PCDHGA9: variants seen among roughly 807,000 people sequenced by gnomAD.
PCDHGA9 encodes the protein protocadherin gamma subfamily A, 9.
Under a neutral mutation model 62.5 loss-of-function variants are expected in PCDHGA9, and 37 were observed. The ratio of observed to expected loss-of-function variants is 0.59; its 90% CI spans 0.46 to 0.78. The LOEUF (loss-of-function observed/expected upper bound fraction) is 0.78, where lower values mean the gene tolerates loss of function less well. Among genes scored for constraint, PCDHGA9 ranks in the 30% least tolerant of loss-of-function variants. The pLI is 0.00. For missense variants in PCDHGA9, 1,138 were observed against 1,166.2 expected (o/e 0.98, Z 0.35); for synonymous variants, 459 against 484.6 (o/e 0.95, Z 0.69).
rs922668811 is a variant in PCDHGA9 at position 141,432,984 on chromosome 5, G to A, written c.2424+27608G>A. On this transcript the variant is annotated intron_variant, in intron 1 of 3. Transcript: ENST00000573521. This position sits in a 1 kb window ranked among gnomAD's most constrained non-coding sequence, Gnocchi z 6.0. ...GGAGCGCCGGCGTCGCACTTTGTGG[G>A]CGTGGACGGGGTGCAGGCTTTCCTG... 1.9e-6 allele frequency: 3 copies of A among 1,614,214 alleles called. No individual in the cohort carries two copies. Among genetic ancestry groups the A allele is most frequent in the Admixed American group, 1.7e-5 (1 of 60,028 alleles).
At chr5:141,488,439 C>G (rs2099675441) in intron 1 of PCDHGA9, among the ~76,000 whole-genome samples, 1 of 152,206 alleles carries the variant, frequency 6.6e-6, no homozygotes, top group African/African-American at 2.4e-5. Context: ...TCTGACCACC[C>G]TCCTGGGTGA....
intron 3 of PCDHGA9, among the ~76,000 whole-genome samples, chr5:141,509,320 C>A (rs1261653347): frequency 6.6e-6 from 1 of 152,194 alleles, no homozygotes; most frequent in Non-Finnish European, 1.5e-5. Flanking sequence ...GGGAGAGAAG[C>A]TCTACTGCCA....
At chr5:141,450,919 G>A (rs1489017891) in intron 1 of PCDHGA9, among the ~76,000 whole-genome samples, 2 of 151,024 alleles carry the variant, frequency 1.3e-5, no homozygotes, top group African/African-American at 4.9e-5. Context: ...CTGCCTCCCA[G>A]ATTCAAGCAA....
intron 1 of PCDHGA9, chr5:141,418,650 T>A (rs764145825): frequency 5.0e-6 from 8 of 1,613,898 alleles, no homozygotes; most frequent in South Asian, 2.2e-5. Flanking sequence ...ATCCTGAGAG[T>A]GAAGGCCACT....
At chr5:141,469,893 A>G (rs2099214569) in intron 1 of PCDHGA9, among the ~76,000 whole-genome samples, 1 of 152,200 alleles carries the variant, frequency 6.6e-6, no homozygotes, top group South Asian at 2.1e-4. Context: ...CACTTTGGGA[A>G]GCCGAGGCAG....
intron 3 of PCDHGA9, among the ~76,000 whole-genome samples, chr5:141,510,591 A>G (rs1050708244): frequency 6.6e-6 from 1 of 152,176 alleles, no homozygotes; most frequent in Non-Finnish European, 1.5e-5. Flanking sequence ...TACCTGACAT[A>G]CATTTTCTTA....
At chr5:141,471,495 T>A (rs539663010) in intron 1 of PCDHGA9, 1 of 152,318 alleles carries the variant, frequency 6.6e-6, no homozygotes, top group East Asian at 1.9e-4. Flanking sequence ...ATTTAGGGAA[T>A]GCAAGAGAGG....
intron 1 of PCDHGA9, chr5:141,417,913 T>A (rs749352432): frequency 1.2e-6 from 2 of 1,601,944 alleles, no homozygotes; most frequent in African/African-American, 1.3e-5. Flanking sequence ...AGGTACTATT[T>A]CCTTTGCTGC....
At chr5:141,422,690 T>C (rs1384522137) in intron 1 of PCDHGA9, 1 of 1,603,790 alleles carries the variant, frequency 6.2e-7, no homozygotes, top group African/African-American at 1.3e-5. Flanking sequence ...AATGCCCTGG[T>C]CACTTACTCT....
At chr5:141,430,781 C>G in intron 1 of PCDHGA9, 8 of 1,510,922 alleles carry the variant, frequency 5.3e-6, no homozygotes, top group Non-Finnish European at 7.1e-6. Context: ...GCGACTGCAC[C>G]GGGACTACAA....
intron 1 of PCDHGA9, among the ~76,000 whole-genome samples, chr5:141,430,066 G>C (rs550834063): frequency 6.6e-6 from 1 of 151,984 alleles, no homozygotes; most frequent in Non-Finnish European, 1.5e-5. Flanking sequence ...TCATTTTTAG[G>C]TTTCCATAAT....
intron 2 of PCDHGA9, among the ~76,000 whole-genome samples, chr5:141,502,401 G>A (rs191747075): frequency 2.0e-5 from 3 of 151,874 alleles, no homozygotes; most frequent in Admixed American, 1.3e-4. Flanking sequence ...AAATGTCCCC[G>A]AACCTGGATT....
chr5:141,421,905 A>C, intron 1 of PCDHGA9: 1 of 1,613,752 alleles, frequency 6.2e-7, no homozygotes, highest in Non-Finnish European at 8.5e-7. Context: ...GAAAGGGCGC[A>C]GTTCCCATTC....
Position 141,511,015 on chromosome 5 carries a change from C to A in PCDHGA9, c.2641C>A (p.Pro881Thr). Residue 881 changes from proline (P) to threonine (T), a missense_variant, in exon 4 of 4, where the codon CCC becomes ACC. Coordinates refer to ENST00000573521, the MANE Select transcript of PCDHGA9 (RefSeq NM_018921.3). ...GTMGLSARYG[P>T]QFTLQHVPDY... ...CATGGGATTGAGCGCCCGCTACGGA[C>A]CCCAGTTCACCCTGCAGCACGTGCC... 6.2e-7 allele frequency: 1 copy of A among 1,614,224 alleles called. No individual in the cohort carries two copies. The highest frequency in any genetic ancestry group is 8.5e-7 in the Non-Finnish European group (1 of 1,180,038).
intron 1 of PCDHGA9, chr5:141,409,494 C>T (rs755680835): frequency 8.1e-6 from 13 of 1,613,910 alleles, no homozygotes; most frequent in South Asian, 3.3e-5. Context: ...GGCAAGCCGC[C>T]TCTTTCTTCC....
Position 141,485,267 on chromosome 5 carries a change from C to T in PCDHGA9, c.2425-9540C>T, listed in dbSNP as rs767229426. On this transcript the variant is annotated intron_variant, in intron 1 of 3. Transcript: ENST00000573521. This position sits in a 1 kb window ranked among gnomAD's most constrained non-coding sequence, Gnocchi z 5.7. ...CCTGGGTTACGTTTGTGGGCAGATC[C>T]GCTACCCGGTCCCAGAGGAGTCACA... is the stretch of plus-strand genomic sequence containing the variant. 6.2e-7 allele frequency: 1 copy of T among 1,614,088 alleles called. No homozygotes were observed. Among genetic ancestry groups the T allele is most frequent in the South Asian group, 1.1e-5 (1 of 91,082 alleles).
intron 1 of PCDHGA9, chr5:141,468,330 C>CAAAAAAAAA (rs533390277): frequency 1.3e-5 from 1 of 79,886 alleles, no homozygotes; most frequent in African/African-American, 3.9e-5. Context: ...AACTCCATCT[C>CAAAAAAAAA]AAAAAAAAAA....
At chr5:141,505,239 G>A (rs2099844708) in intron 2 of PCDHGA9, 154 bp from the exon 3 acceptor site, 1 of 886,092 alleles carries the variant, frequency 1.1e-6, no homozygotes, top group Middle Eastern at 5.9e-4. Context: ...GCTTCTGAAG[G>A]ATTGTAGAAG....
chr5:141,478,977 T>G (rs1004184325), intron 1 of PCDHGA9, among the ~76,000 whole-genome samples: 12 of 152,210 alleles, frequency 7.9e-5, no homozygotes, highest in Admixed American at 5.2e-4. Flanking sequence ...TTCAAGTGAT[T>G]GTGACATTTG....
Sources: gnomAD v4.1 joint callset for allele counts (sites outside exome capture counted in the v4.1 genomes callset) on GRCh38, gnomAD v4.1.1 for gene constraint, Gnocchi (gnomAD v3.1) non-coding constraint, MANE v1.5 for transcripts, NCBI Gene and HGNC (gene_info 2026-07-23, HGNC 2026-07-21) for gene names.